The following AKAP10 variants were observed in gnomAD, a reference collection of about 807,000 sequenced individuals.
The protein encoded by AKAP10 is A-kinase anchoring protein 10.
Under a neutral mutation model 80.8 loss-of-function variants are expected in AKAP10, and 24 were observed. The observed-to-expected ratio is 0.30, with a 90% CI of 0.22 to 0.42. AKAP10 has a LOEUF of 0.42. Among genes scored for constraint, AKAP10 ranks in the 10% least tolerant of loss-of-function variants. The pLI, the probability that AKAP10 is intolerant of heterozygous loss-of-function variation, is 1.00. For synonymous variants in AKAP10, 291 were observed against 277.7 expected, an observed-to-expected ratio of 1.05 and a Z score of -0.48; for missense variants, 661 against 794.9, an observed-to-expected ratio of 0.83 and a Z score of 2.03.
intron 3 of AKAP10, among the ~76,000 whole-genome samples, chr17:19,960,593 G>A (rs2043336432): frequency 6.6e-6 from 1 of 152,168 alleles, no homozygotes; most frequent in Non-Finnish European, 1.5e-5. Context: ...TTCACCTGCT[G>A]AAGAACATCC....
intron 10 of AKAP10, among the ~76,000 whole-genome samples, chr17:19,930,788 G>A (rs1234037144): frequency 1.3e-5 from 2 of 152,198 alleles, no homozygotes; most frequent in East Asian, 3.9e-4. Context: ...TCGGCTCACT[G>A]CAACCTCCGA....
chr17:19,923,588 A>G (rs1048471789), intron 11 of AKAP10, among the ~76,000 whole-genome samples: 1 of 150,984 alleles, frequency 6.6e-6, no homozygotes, highest in Non-Finnish European at 1.5e-5. Context: ...GTGCAGTGGC[A>G]CAATCTAAGC....
In AKAP10 at chr17:19,941,016, C is replaced by T; in HGVS notation, c.1062-6G>A. 6.3e-7 allele frequency: 1 copy of T among 1,588,778 alleles called. No homozygotes were observed. Among genetic ancestry groups the T allele is most frequent in the Non-Finnish European group, 8.5e-7 (1 of 1,173,306 alleles). On this transcript the variant is annotated splice_polypyrimidine_tract_variant and splice_region_variant and intron_variant, in intron 6 of 14. Transcript: ENST00000225737. The stretch of plus-strand genomic sequence containing the variant: ...GCAGAAACTCACTAAAGTGCCTGCA[C>T]ATGGACAAAAGGGAAAATTTGAGGG...
intron 1 of AKAP10, among the ~76,000 whole-genome samples, chr17:19,972,518 C>T (rs994331350): frequency 3.9e-5 from 6 of 152,116 alleles, no homozygotes; most frequent in Non-Finnish European, 7.4e-5. Context: ...TGCAGTGGCG[C>T]GATCTCAGCT....
intron 2 of AKAP10, among the ~76,000 whole-genome samples, 199 bp downstream of exon 2, chr17:19,968,215 A>T (rs1331004351): frequency 2.0e-5 from 3 of 151,570 alleles, no homozygotes; most frequent in African/African-American, 7.3e-5. Flanking sequence ...AAAAAAAAAA[A>T]AAAAAAAGCC....
At chr17:19,955,149 G>A (rs1163943500) in intron 4 of AKAP10, among the ~76,000 whole-genome samples, 1 of 151,976 alleles carries the variant, frequency 6.6e-6, no homozygotes, top group African/African-American at 2.4e-5. Context: ...TTGAACCCAG[G>A]AGGCGGAGGT....
At position 19,976,443 on chromosome 17, in the gene AKAP10, C is replaced by T. The variant is rs543426419; in HGVS notation, c.88+1149G>A. ...TTGCAGTGAGCCGAGACTGAGATCGCGCCATTGCACTCGAGCCTGGGCAAC... is the reference window on the plus strand; with the variant it reads ...TTGCAGTGAGCCGAGACTGAGATCGTGCCATTGCACTCGAGCCTGGGCAAC... On this transcript the variant is annotated intron_variant, in intron 1 of 14. Transcript: ENST00000225737. Among the ~76,000 whole-genome samples, 18 of 151,740 alleles carry T rather than the reference C, an allele frequency of 1.2e-4. No individual in the cohort carries two copies. In the South Asian group the frequency reaches 3.7e-3, roughly 32 times the overall value.
At chr17:19,915,252 T>TA (rs1267905202) in intron 12 of AKAP10, among the ~76,000 whole-genome samples, 2 of 152,174 alleles carry the variant, frequency 1.3e-5, no homozygotes, top group Admixed American at 1.3e-4. Flanking sequence ...ATCAAGACTA[T>TA]AGGTGTAACT....
chr17:19,976,731 T>G (rs2152420433), intron 1 of AKAP10, among the ~76,000 whole-genome samples: 1 of 152,218 alleles, frequency 6.6e-6, no homozygotes, highest in East Asian at 2.0e-4. Context: ...TTGGTCAGGC[T>G]GGTCTTGAAC....
chr17:19,965,885 A>G (rs2043412086), intron 2 of AKAP10, among the ~76,000 whole-genome samples: 1 of 150,210 alleles, frequency 6.7e-6, no homozygotes. Context: ...TATTTCATCT[A>G]TCTCTCAGGA....
At chr17:19,930,514 G>C (rs1048519715) in intron 10 of AKAP10, among the ~76,000 whole-genome samples, 7 of 152,040 alleles carry the variant, frequency 4.6e-5, no homozygotes, top group Non-Finnish European at 1.0e-4. Context: ...TATAGGTAGT[G>C]GTTCACGCCT....
chr17:19,919,217 G>A (rs556475604), intron 12 of AKAP10, among the ~76,000 whole-genome samples: 101 of 152,092 alleles, frequency 6.6e-4, no homozygotes, highest in Non-Finnish European at 7.5e-4. Flanking sequence ...CAGAATGATG[G>A]TTTCCAGCTT....
At chr17:19,945,153 TATC>T (rs1164289441) in intron 5 of AKAP10, among the ~76,000 whole-genome samples, 2 of 152,230 alleles carry the variant, frequency 1.3e-5, no homozygotes, top group African/African-American at 4.8e-5. Flanking sequence ...CACAAAATGT[TATC>T]AACTTGATCC....
chr17:19,937,809 T>C (rs1029693414), intron 8 of AKAP10, among the ~76,000 whole-genome samples: 5 of 152,148 alleles, frequency 3.3e-5, no homozygotes, highest in South Asian at 2.1e-4. Flanking sequence ...AGAAAATCAT[T>C]ACCTCTCTGG....
At position 19,946,233 on chromosome 17, in the gene AKAP10, TA is replaced by T. The variant is rs1567765418; in HGVS notation, c.976+1173del. ...TATATATATATATTTTATATATATA[TA>T]TATTATATATATATATATATATATA... On this transcript the variant is annotated intron_variant, in intron 5 of 14. Transcript: ENST00000225737. Among the ~76,000 whole-genome samples the T allele has an allele frequency of 7.6e-3, 133 of 17,536 alleles. 9 individuals are homozygous for T. Among genetic ancestry groups the T allele is most frequent in the African/African-American group, 0.023 (104 of 4,436 alleles). 11.5% of individuals were successfully genotyped at this position (17,536 alleles called of 152,430 possible). A position where few individuals can be genotyped will look rare whatever the true frequency, so the allele number is the denominator to read the frequency against.
At chr17:19,925,142 C>T (rs1028950667) in intron 10 of AKAP10, among the ~76,000 whole-genome samples, 18 of 151,650 alleles carry the variant, frequency 1.2e-4, no homozygotes, top group East Asian at 3.9e-4. Flanking sequence ...CTGGCCTGGG[C>T]GACAGAGGAA....
At chr17:19,958,605 G>C (rs1309412729) in intron 3 of AKAP10, 34 bp from the exon 4 acceptor site, 2 of 1,535,876 alleles carry the variant, frequency 1.3e-6, no homozygotes, top group Non-Finnish European at 1.7e-6. Context: ...TAGCAGTTCA[G>C]CAACAAATAA....
intron 10 of AKAP10, chr17:19,929,680 T>A (rs1323287811): frequency 2.0e-5 from 3 of 152,044 alleles, no homozygotes; most frequent in Non-Finnish European, 4.4e-5. Context: ...AAGTGCCTAA[T>A]CAAAAACAAG....
intron 10 of AKAP10, chr17:19,929,314 C>T (rs1399172637): frequency 1.3e-5 from 2 of 152,118 alleles, no homozygotes; most frequent in East Asian, 3.8e-4. Flanking sequence ...CATATAAAAA[C>T]CACTGAATTG....
Sources: allele counts gnomAD v4.1 joint callset (sites outside exome capture counted in the v4.1 genomes callset), GRCh38; gene constraint gnomAD v4.1.1; transcripts MANE v1.5; gene names NCBI Gene and HGNC (gene_info 2026-07-23, HGNC 2026-07-21).